MARK2: variants seen among roughly 807,000 people sequenced by gnomAD.
The protein encoded by MARK2 is serine/threonine-protein kinase MARK2.
A neutral mutation model predicts 89.8 loss-of-function variants in MARK2; 16 were observed. The ratio of observed to expected loss-of-function variants is 0.18; its 90% CI spans 0.12 to 0.27. The LOEUF (loss-of-function observed/expected upper bound fraction) is 0.27, where lower values mean the gene tolerates loss of function less well. MARK2 is among the 10% of genes least tolerant of loss of function. The pLI is 1.00. For missense variants in MARK2, 621 were observed against 1,049.9 expected, an observed-to-expected ratio of 0.59 and a Z score of 5.65; for synonymous variants, 382 against 399.5, an observed-to-expected ratio of 0.96 and a Z score of 0.52.
At chr11:63,906,574 A>G (rs1232796264) in intron 17 of MARK2, among the ~76,000 whole-genome samples, 1 of 145,646 alleles carries the variant, frequency 6.9e-6, no homozygotes, top group Non-Finnish European at 1.5e-5. Flanking sequence ...CGCTATGAGG[A>G]AGCTCCAGGG....
chr11:63,839,410 C>A lies in MARK2; in HGVS notation c.-97C>A. 1.4e-6 allele frequency: 1 copy of A among 714,822 alleles called. No homozygotes were observed. Among genetic ancestry groups the A allele is most frequent in the Non-Finnish European group, 2.4e-6 (1 of 418,536 alleles). 44.3% of individuals were successfully genotyped at this position (714,822 alleles called of 1,614,324 possible). On this transcript the variant is annotated 5_prime_UTR_variant, in exon 1 of 19. Coordinates refer to ENST00000402010, the MANE Select transcript of MARK2 (RefSeq NM_001039469.3). ...CCGGCCGGGGCCCATGCGGCGGGTGCTCCTGCTGTGAGAAGCCCCGCCCGG... is the reference window on the plus strand; with the variant it reads ...CCGGCCGGGGCCCATGCGGCGGGTGATCCTGCTGTGAGAAGCCCCGCCCGG...
At chr11:63,906,605 G>A (rs1434078609) in intron 17 of MARK2, among the ~76,000 whole-genome samples, 2 of 151,978 alleles carry the variant, frequency 1.3e-5, no homozygotes, top group Non-Finnish European at 2.9e-5. Flanking sequence ...ATCTGGGATG[G>A]TATCTTGTTT....
chr11:63,873,479 C>A (rs911670655), intron 1 of MARK2, among the ~76,000 whole-genome samples: 1 of 152,052 alleles, frequency 6.6e-6, no homozygotes, highest in Admixed American at 6.6e-5. Flanking sequence ...TCACCTTCCC[C>A]CTTTGGCTGG....
intron 1 of MARK2, among the ~76,000 whole-genome samples, chr11:63,874,597 A>T (rs147647524): frequency 4.8e-4 from 73 of 152,260 alleles, no homozygotes; most frequent in African/African-American, 1.7e-3. Flanking sequence ...TTTATATTTG[A>T]GCAAAAAATT....
intron 6 of MARK2, 91 bp from the exon 7 acceptor site, chr11:63,898,961 G>T: frequency 1.6e-6 from 2 of 1,221,104 alleles, no homozygotes; most frequent in East Asian, 4.6e-5. Context: ...CCGTGTGGCA[G>T]GTTAGCACTA....
intron 1 of MARK2, among the ~76,000 whole-genome samples, chr11:63,856,644 G>C (rs28698215): frequency 1.3e-5 from 2 of 151,466 alleles, no homozygotes; most frequent in East Asian, 3.9e-4. Flanking sequence ...GGCTGGTCTC[G>C]AACTCCTGGC....
chr11:63,856,669 A>C (rs1335743861), intron 1 of MARK2, among the ~76,000 whole-genome samples: 1 of 150,958 alleles, frequency 6.6e-6, no homozygotes, highest in Non-Finnish European at 1.5e-5. Context: ...GTGATCCGCC[A>C]ACCTCGGCCT....
Position 63,898,276 on chromosome 11 carries a change from C to T in MARK2, c.333C>T (p.Asn111=). 2 of 1,613,520 alleles carry T rather than the reference C, an allele frequency of 1.2e-6. No homozygotes were observed. Among genetic ancestry groups the T allele is most frequent in the South Asian group, 1.1e-5 (1 of 91,048 alleles). Residue 111 remains asparagine, a synonymous_variant, in exon 4 of 19, where the codon AAC becomes AAT. Transcript: ENST00000402010. ...VRIMKVLNHP[N]IVKLFEVIET... is the part of the protein sequence containing the mutation. ...TAATGAAGGTTTTGAATCATCCCAA[C>T]ATAGGTGAGCACAAGTTGTTATTTC...
chr11:63,908,262 A>T lies in MARK2; in HGVS notation c.1964A>T (p.Asn655Ile). ...RNLSFRFARRNLNEPESKDRV... is the reference protein window; with the variant it reads ...RNLSFRFARRILNEPESKDRV... ...TCTCCCTCGCTCTGTTTTTTGAGGA[A>T]CCTGAATGAACCTGAAAGCAAAGAC... The change falls in exon 18 of 19, where the codon AAC becomes ATC. Residue 655 changes from asparagine to isoleucine, a missense_variant and splice_region_variant. Asn to Ile is a moderately radical substitution (Grantham distance 149). Coordinates refer to ENST00000402010, the MANE Select transcript of MARK2 (RefSeq NM_001039469.3). The T allele has an allele frequency of 6.4e-7, 1 of 1,562,358 alleles. No homozygotes were observed. Among genetic ancestry groups the T allele is most frequent in the Non-Finnish European group, 8.7e-7 (1 of 1,152,458 alleles).
chr11:63,863,992 C>T (rs555581304), intron 1 of MARK2, among the ~76,000 whole-genome samples: 4 of 152,032 alleles, frequency 2.6e-5, no homozygotes, highest in East Asian at 1.9e-4. Flanking sequence ...CTCGCTTTGT[C>T]GCCCAGGCTG....
At position 63,898,760 on chromosome 11, in the gene MARK2, C is replaced by T; in HGVS notation, c.404-3C>T. 2.5e-6 allele frequency: 4 copies of T among 1,613,882 alleles called. No individual in the cohort carries two copies. The highest frequency in any genetic ancestry group is 2.5e-6 in the Non-Finnish European group (3 of 1,179,790). On this transcript the variant is annotated splice_region_variant and splice_polypyrimidine_tract_variant and intron_variant, in intron 5 of 18. Coordinates refer to ENST00000402010, the MANE Select transcript of MARK2 (RefSeq NM_001039469.3). Reference sequence around the variant, plus strand: ...ACTGAGATCCCTGCCTGGTCTCTTACAGGAGAGGTATTTGATTACCTAGTG... The same window carrying T: ...ACTGAGATCCCTGCCTGGTCTCTTATAGGAGAGGTATTTGATTACCTAGTG...
chr11:63,868,775 A>G (rs113095684), intron 1 of MARK2: 11 of 455,986 alleles, frequency 2.4e-5, no homozygotes, highest in African/African-American at 4.0e-5. Flanking sequence ...GAGGAACACT[A>G]GTGTTGGGAA....
intron 1 of MARK2, among the ~76,000 whole-genome samples, chr11:63,874,974 ACTGT>A (rs1274682654): frequency 3.3e-5 from 5 of 151,894 alleles, no homozygotes; most frequent in African/African-American, 1.2e-4. Flanking sequence ...TTTTTAAGAG[ACTGT>A]CTCACTCTGT....
intron 1 of MARK2, among the ~76,000 whole-genome samples, chr11:63,884,813 G>A (rs200559156): frequency 1.2e-4 from 18 of 152,158 alleles, no homozygotes; most frequent in Non-Finnish European, 2.2e-4. Flanking sequence ...AGTTGATAGC[G>A]ATAGTTGCTC....
Position 63,904,085 on chromosome 11 carries a change from G to A in MARK2, c.1614G>A (p.Val538=), listed in dbSNP as rs1349580037. The change falls in exon 15 of 19, where the codon GTG becomes GTA. Residue 538 remains valine, a synonymous_variant. Transcript: ENST00000402010. This position sits in a 1 kb window ranked among gnomAD's most constrained non-coding sequence, Gnocchi z 6.3. Reference sequence around the variant, plus strand: ...ACCAGAAATCCATGTCGGCCTCCGTGCACCCCAACAAGGCCTCTGGGCTGC... The same window carrying A: ...ACCAGAAATCCATGTCGGCCTCCGTACACCCCAACAAGGCCTCTGGGCTGC... ...RQHQKSMSAS[V]HPNKASGLPP... is the part of the protein sequence containing the mutation. 1 of 1,605,208 alleles carries A rather than the reference G, an allele frequency of 6.2e-7. No homozygotes were observed. Among genetic ancestry groups the A allele is most frequent in the Non-Finnish European group, 8.5e-7 (1 of 1,179,228 alleles).
At chr11:63,867,088 A>G (rs969844313) in intron 1 of MARK2, among the ~76,000 whole-genome samples, 1 of 152,202 alleles carries the variant, frequency 6.6e-6, no homozygotes, top group African/African-American at 2.4e-5. Context: ...GTGCAGTGGC[A>G]TGATCTTGGC....
chr11:63,864,255 A>G (rs546228612), intron 1 of MARK2, among the ~76,000 whole-genome samples: 2 of 135,604 alleles, frequency 1.5e-5, no homozygotes, highest in African/African-American at 5.7e-5. Context: ...CGCCCAGCCT[A>G]TTTATTTATT....
chr11:63,854,401 G>A (rs1415018200), intron 1 of MARK2, among the ~76,000 whole-genome samples: 2 of 126,998 alleles, frequency 1.6e-5, no homozygotes, highest in African/African-American at 6.0e-5. Flanking sequence ...TTTTTTGGTA[G>A]AGACAGGGTT....
Position 63,878,246 on chromosome 11 carries a change from C to A in MARK2, c.55-16913C>A, listed in dbSNP as rs55907024. 6.8e-3 allele frequency among the ~76,000 whole-genome samples: 1,033 copies of A among 151,818 alleles called. 8 individuals are homozygous for A. Among genetic ancestry groups the A allele is most frequent in the Non-Finnish European group, 9.4e-3 (636 of 67,952 alleles). On this transcript the variant is annotated intron_variant, in intron 1 of 18. Coordinates refer to ENST00000402010, the MANE Select transcript of MARK2 (RefSeq NM_001039469.3). ...TGTAAGGCAGCACCCATTTAAAATT[C>A]TTTTCCTCCAGCCTCATTCCTCATC...
Sources: allele counts gnomAD v4.1 joint callset (sites outside exome capture counted in the v4.1 genomes callset), GRCh38; gene constraint gnomAD v4.1.1; non-coding constraint Gnocchi (gnomAD v3.1); transcripts MANE v1.5; gene names NCBI Gene and HGNC (gene_info 2026-07-23, HGNC 2026-07-21).